The following PTPN4 variants were observed in gnomAD, a reference collection of about 807,000 sequenced individuals.
PTPN4 encodes protein tyrosine phosphatase non-receptor type 4.
Under a neutral mutation model 135.5 loss-of-function variants are expected in PTPN4, and 49 were observed. The observed-to-expected ratio is 0.36, with a 90% CI of 0.29 to 0.46. The LOEUF is 0.46. PTPN4 is among the 20% of genes least tolerant of loss of function. The probability of loss-of-function intolerance (pLI) is 1.00; values close to 1 mark genes in which losing one functional copy is unlikely to be tolerated. For synonymous variants in PTPN4, 333 were observed against 369.9 expected (o/e 0.90, Z 1.14); for missense variants, 860 against 1,101.0 (o/e 0.78, Z 3.10).
intron 2 of PTPN4, among the ~76,000 whole-genome samples, chr2:119,847,270 C>CTATATA (rs1281854982): frequency 1.9e-5 from 2 of 105,606 alleles, no homozygotes; most frequent in African/African-American, 7.3e-5. Flanking sequence ...AGGAGATACT[C>CTATATA]TATATACACA....
At chr2:119,873,771 C>A (rs1558751079) in intron 3 of PTPN4, among the ~76,000 whole-genome samples, 1 of 152,116 alleles carries the variant, frequency 6.6e-6, no homozygotes, top group African/African-American at 2.4e-5. Context: ...TTCAGCTTTT[C>A]TCAGATGTAG....
intron 2 of PTPN4, among the ~76,000 whole-genome samples, chr2:119,826,584 G>A (rs1421769684): frequency 6.6e-6 from 1 of 152,168 alleles, no homozygotes; most frequent in Non-Finnish European, 1.5e-5. Flanking sequence ...CAAGGATGCT[G>A]CTAAACTTCC....
chr2:119,865,442 T>A (rs1297706952), intron 3 of PTPN4, among the ~76,000 whole-genome samples: 1 of 152,098 alleles, frequency 6.6e-6, no homozygotes, highest in African/African-American at 2.4e-5. Context: ...CTAATACTTA[T>A]AGAAGTCAAC....
intron 15 of PTPN4, among the ~76,000 whole-genome samples, chr2:119,943,707 C>T (rs1365619342): frequency 2.9e-4 from 44 of 151,322 alleles, no homozygotes; most frequent in Admixed American, 2.9e-3. Context: ...TGCCTCAGCC[C>T]CCCCGAGTAG....
At chr2:119,842,575 GAT>G (rs903764516) in intron 2 of PTPN4, among the ~76,000 whole-genome samples, 3 of 152,216 alleles carry the variant, frequency 2.0e-5, no homozygotes, top group African/African-American at 4.8e-5. Flanking sequence ...GTGGACTCAT[GAT>G]ATAATAAAAT....
intron 12 of PTPN4, 94 bp from the exon 13 acceptor site, chr2:119,926,504 T>A: frequency 1.3e-6 from 1 of 782,300 alleles, no homozygotes; most frequent in Non-Finnish European, 2.0e-6. Context: ...ATGTCTTGTC[T>A]CTTAGGAAGT....
chr2:119,780,947 A>G (rs780133906), intron 1 of PTPN4, among the ~76,000 whole-genome samples: 3 of 152,128 alleles, frequency 2.0e-5, no homozygotes, highest in African/African-American at 7.2e-5. Flanking sequence ...TATATTTATC[A>G]TTAGATATTA....
chr2:119,896,812 G>T (rs1678330588), intron 9 of PTPN4, among the ~76,000 whole-genome samples: 1 of 152,120 alleles, frequency 6.6e-6, no homozygotes, highest in Admixed American at 6.5e-5. Flanking sequence ...TGAATATGAA[G>T]TGGTGGATTA....
chr2:119,835,584 A>G (rs553200368), intron 2 of PTPN4, among the ~76,000 whole-genome samples: 2 of 152,184 alleles, frequency 1.3e-5, no homozygotes, highest in African/African-American at 4.8e-5. Flanking sequence ...TGATCAGTCT[A>G]TATTCTCTAT....
chr2:119,887,430 T>C (rs1353850003), intron 9 of PTPN4, among the ~76,000 whole-genome samples: 2 of 152,186 alleles, frequency 1.3e-5, no homozygotes, highest in East Asian at 3.8e-4. Context: ...AAGGCTTCTG[T>C]AAGCTATGAT....
In PTPN4 at chr2:119,924,332, G is replaced by A. The variant is rs1199730455; in HGVS notation, c.1002-2266G>A. On this transcript the variant is annotated intron_variant, in intron 12 of 26. Coordinates refer to ENST00000263708, the MANE Select transcript of PTPN4 (RefSeq NM_002830.4). ...AGTTTAATTTTTTTCGTTAAAAGTGGCATATATACCATAGTTTCATTGTAA... is the reference window on the plus strand; with the variant it reads ...AGTTTAATTTTTTTCGTTAAAAGTGACATATATACCATAGTTTCATTGTAA... Among the ~76,000 whole-genome samples the A allele has an allele frequency of 2.6e-5, 4 of 151,704 alleles. No individual in the cohort carries two copies. In the East Asian group the frequency reaches 7.7e-4, roughly 29 times the overall value.
chr2:119,946,417 A>G lies in PTPN4; in HGVS notation c.1592A>G (p.Asn531Ser). 6.2e-7 allele frequency: 1 copy of G among 1,608,830 alleles called. No individual in the cohort carries two copies. Among genetic ancestry groups the G allele is most frequent in the Non-Finnish European group, 8.5e-7 (1 of 1,176,364 alleles). Residue 531 changes from asparagine to serine, a missense_variant, in exon 17 of 27, where the codon AAT (asparagine) becomes AGT (serine). Asn to Ser is a conservative substitution (Grantham distance 46). Transcript: ENST00000263708. Reference sequence around the variant, plus strand: ...GATGAAAATGGGAGGTTTGGATTCAATGTAAAGGTAATCTGGAATTTATTT... The same window carrying G: ...GATGAAAATGGGAGGTTTGGATTCAGTGTAAAGGTAATCTGGAATTTATTT... ...KPDENGRFGF[N>S]VKGGYDQKMP...
intron 1 of PTPN4, among the ~76,000 whole-genome samples, chr2:119,766,092 T>C (rs376084923): frequency 2.0e-5 from 3 of 152,282 alleles, no homozygotes; most frequent in East Asian, 1.9e-4. Context: ...AAGATACCCT[T>C]GTTTAATGGG....
At chr2:119,895,270 C>T (rs1678303547) in intron 9 of PTPN4, among the ~76,000 whole-genome samples, 1 of 152,168 alleles carries the variant, frequency 6.6e-6, no homozygotes, top group Non-Finnish European at 1.5e-5. Flanking sequence ...TTATGTACAT[C>T]ATAACATTGA....
intron 3 of PTPN4, 35 bp from the exon 4 acceptor site, chr2:119,877,287 GA>G (rs1474712668): frequency 6.3e-7 from 1 of 1,591,088 alleles, no homozygotes; most frequent in East Asian, 2.2e-5. Context: ...GTTCCTCAAG[GA>G]AAAAAGAAAT....
chr2:119,817,097 A>T (rs1676999201), intron 2 of PTPN4, among the ~76,000 whole-genome samples: 1 of 152,102 alleles, frequency 6.6e-6, no homozygotes, highest in Non-Finnish European at 1.5e-5. Context: ...CTTTTGTTGC[A>T]ATTGCTTTTG....
intron 2 of PTPN4, among the ~76,000 whole-genome samples, chr2:119,822,074 C>G (rs1677076455): frequency 6.6e-6 from 1 of 151,980 alleles, no homozygotes; most frequent in African/African-American, 2.4e-5. Context: ...CTTGATGTCC[C>G]TAGATTTGAA....
intron 1 of PTPN4, among the ~76,000 whole-genome samples, chr2:119,808,481 A>T (rs1691522492): frequency 6.6e-6 from 1 of 152,218 alleles, no homozygotes; most frequent in Non-Finnish European, 1.5e-5. Context: ...CAATTGCTAC[A>T]AAGAGAATAA....
chr2:119,957,214 T>G lies in PTPN4; in HGVS notation c.2133+137T>G, dbSNP rs1574421003. On this transcript the variant is annotated intron_variant, in intron 22 of 26. Transcript: ENST00000263708. The stretch of plus-strand genomic sequence containing the variant: ...TATGAAAAATATTATTGAAGTAATA[T>G]TAAAGAAAATATTTTGGTACTTGTG... The G allele has an allele frequency of 3.6e-5, 29 of 795,732 alleles. No individual in the cohort carries two copies. The East Asian group carries it at 7.9e-4, about 22-fold the overall frequency. The allele number at this position is 795,732 out of a possible 1,614,324, so 49.3% of individuals were successfully genotyped here.
Sources: gnomAD v4.1 joint callset for allele counts (sites outside exome capture counted in the v4.1 genomes callset) on GRCh38, gnomAD v4.1.1 for gene constraint, MANE v1.5 for transcripts, NCBI Gene and HGNC (gene_info 2026-07-23, HGNC 2026-07-21) for gene names.